The following TAMM41 variants were observed in gnomAD, a reference collection of about 807,000 sequenced individuals.
TAMM41 encodes the protein phosphatidate cytidylyltransferase, mitochondrial.
TAMM41 carries 36 observed loss-of-function variants against 44.1 expected under a neutral mutation model. The observed-to-expected ratio is 0.82, with a 90% CI of 0.63 to 1.08. The LOEUF is 1.08. Among genes scored for constraint, TAMM41 ranks in the 50% least tolerant of loss-of-function variants. The pLI, the probability that TAMM41 is intolerant of heterozygous loss-of-function variation, is 0.00. For missense variants in TAMM41, 417 were observed against 404.3 expected (o/e 1.03, Z -0.27); for synonymous variants, 164 against 153.1 (o/e 1.07, Z -0.53).
the TAMM41 span, among the ~76,000 whole-genome samples, chr3:11,756,935 C>G: frequency 6.6e-6 from 1 of 151,756 alleles, no homozygotes; most frequent in East Asian, 1.9e-4. Flanking sequence ...CAAATGGACT[C>G]CATTTCCTGT....
At chr3:11,773,277 C>T in the TAMM41 span, among the ~76,000 whole-genome samples, 2 of 150,654 alleles carry the variant, frequency 1.3e-5, no homozygotes, top group African/African-American at 4.9e-5. Context: ...CTTTTTGATT[C>T]CAAAGCCCCC....
At chr3:11,763,573 G>C in the TAMM41 span, among the ~76,000 whole-genome samples, 1 of 152,164 alleles carries the variant, frequency 6.6e-6, no homozygotes, top group Non-Finnish European at 1.5e-5. Context: ...AACACATCTC[G>C]ACATGATGCA....
the TAMM41 span, among the ~76,000 whole-genome samples, chr3:11,761,785 A>G: frequency 2.6e-5 from 4 of 151,776 alleles, no homozygotes; most frequent in Admixed American, 2.6e-4. Flanking sequence ...TGTCTCTACT[A>G]AAAATACAAA....
At chr3:11,807,452 C>G in intron 7 of TAMM41, 1 of 1,389,188 alleles carries the variant, frequency 7.2e-7, no homozygotes, top group Non-Finnish European at 9.0e-7. Context: ...AAATAACCCA[C>G]TAAGACAGAT....
the TAMM41 span, among the ~76,000 whole-genome samples, chr3:11,773,549 C>T: frequency 6.6e-6 from 1 of 152,038 alleles, no homozygotes; most frequent in African/African-American, 2.4e-5. Flanking sequence ...TTTTGACTAC[C>T]ATCAAGTACT....
chr3:11,829,524 CATGGAG>C (rs1401131917), intron 4 of TAMM41, among the ~76,000 whole-genome samples, 184 bp downstream of exon 4: 2 of 152,128 alleles, frequency 1.3e-5, no homozygotes, highest in Non-Finnish European at 2.9e-5. Context: ...GGACAATAAG[CATGGAG>C]ATGTGGAGAG....
intron 3 of TAMM41, 60 bp from the exon 4 acceptor site, chr3:11,829,924 G>A: frequency 6.6e-7 from 1 of 1,511,510 alleles, no homozygotes; most frequent in Non-Finnish European, 9.1e-7. Flanking sequence ...CTCAAGCATG[G>A]GTTACAAATG....
At chr3:11,772,915 C>T in the TAMM41 span, among the ~76,000 whole-genome samples, 1 of 152,106 alleles carries the variant, frequency 6.6e-6, no homozygotes, top group African/African-American at 2.4e-5. Flanking sequence ...AGTAACTTGC[C>T]TGCTGTCACA....
chr3:11,771,677 G>A, the TAMM41 span, among the ~76,000 whole-genome samples: 1 of 152,110 alleles, frequency 6.6e-6, no homozygotes, highest in Admixed American at 6.6e-5. Context: ...CCGCCTCCCA[G>A]GTTCAAGCGA....
At chr3:11,812,962 G>C (rs2078137731) in intron 5 of TAMM41, among the ~76,000 whole-genome samples, 1 of 152,148 alleles carries the variant, frequency 6.6e-6, no homozygotes, top group Admixed American at 6.5e-5. Flanking sequence ...TACAGCACTG[G>C]GAGCTGTAGC....
At chr3:11,745,881 T>C in the TAMM41 span, among the ~76,000 whole-genome samples, 1 of 152,236 alleles carries the variant, frequency 6.6e-6, no homozygotes, top group Non-Finnish European at 1.5e-5. Context: ...AGTGGTAAAC[T>C]ACAGTTAATT....
In TAMM41 at chr3:11,808,070, G is replaced by C. The variant is rs114296416; in HGVS notation, c.875-175C>G. On this transcript the variant is annotated intron_variant, in intron 6 of 7. Coordinates refer to ENST00000455809, the MANE Select transcript of TAMM41 (RefSeq NM_001284401.2). ...AAAAGGGCAGTGGGATTGAGGGCCA[G>C]GAGACCAGAGCAGCCAGCCGTGGCG... The C allele has an allele frequency of 1.9e-3, 2,388 of 1,288,324 alleles. 39 individuals are homozygous for C. The African/African-American group carries it at 0.033, about 18-fold the overall frequency. The allele number at this position is 1,288,324 out of a possible 1,614,324, so 79.8% of individuals were successfully genotyped here. A position where few individuals can be genotyped will look rare whatever the true frequency, so the allele number is the denominator to read the frequency against.
chr3:11,783,803 A>G, the TAMM41 span, among the ~76,000 whole-genome samples: 1 of 152,192 alleles, frequency 6.6e-6, no homozygotes, highest in Non-Finnish European at 1.5e-5. Context: ...CCATTCAAAC[A>G]TGGGCTTGAA....
At chr3:11,844,272 C>A in intron 1 of TAMM41, 61 bp from the exon 2 acceptor site, 2 of 1,519,970 alleles carry the variant, frequency 1.3e-6, no homozygotes, top group Non-Finnish European at 1.8e-6. Context: ...AGCAAGAGAG[C>A]ATGGAAAAGC....
intron 4 of TAMM41, among the ~76,000 whole-genome samples, chr3:11,820,374 A>T (rs1254205417): frequency 6.6e-6 from 1 of 152,240 alleles, no homozygotes; most frequent in Non-Finnish European, 1.5e-5. Context: ...AGAAGGATTT[A>T]CCATTTTAAA....
At chr3:11,737,284 CATTATTATT>C in the TAMM41 span, among the ~76,000 whole-genome samples, 18,333 of 131,512 alleles carry the variant, frequency 0.14, 1,389 homozygotes, top group African/African-American at 0.18. Context: ...TGTTGGCTTA[CATTATTATT>C]ATTATTATTA....
chr3:11,751,381 C>T, the TAMM41 span, among the ~76,000 whole-genome samples: 2 of 152,162 alleles, frequency 1.3e-5, no homozygotes, highest in African/African-American at 4.8e-5. Flanking sequence ...CATGAACCAC[C>T]GCGCCTGGCC....
chr3:11,802,671 G>A (rs2124939075), intron 7 of TAMM41, among the ~76,000 whole-genome samples: 1 of 152,244 alleles, frequency 6.6e-6, no homozygotes, highest in East Asian at 1.9e-4. Context: ...AAAGATCAAG[G>A]AGGGAATTCT....
intron 5 of TAMM41, among the ~76,000 whole-genome samples, chr3:11,810,576 T>C (rs1029417889): frequency 5.3e-5 from 8 of 152,212 alleles, no homozygotes; most frequent in Non-Finnish European, 1.0e-4. Context: ...CATCACATTA[T>C]TTCCCAAGGA....
Sources: gnomAD v4.1 joint callset for allele counts (sites outside exome capture counted in the v4.1 genomes callset) on GRCh38, gnomAD v4.1.1 for gene constraint, MANE v1.5 for transcripts, NCBI Gene and HGNC (gene_info 2026-07-23, HGNC 2026-07-21) for gene names.